The following METTL15 variants were observed in gnomAD, a reference collection of about 807,000 sequenced individuals.
METTL15 encodes the protein methyltransferase 15, mitochondrial 12S rRNA N4-cytidine.
Under a neutral mutation model 38.3 loss-of-function variants are expected in METTL15, and 34 were observed. That is an observed-to-expected ratio of 0.89 (90% CI 0.68 to 1.18). The LOEUF is 1.18. Ranked by LOEUF, METTL15 falls within the 50% of genes most tolerant of loss-of-function variation. The pLI is 0.00. For synonymous variants in METTL15, 162 were observed against 170.9 expected (o/e 0.95, Z 0.41); for missense variants, 438 against 498.4 (o/e 0.88, Z 1.15).
intron 6 of METTL15, among the ~76,000 whole-genome samples, chr11:28,429,385 CT>C: frequency 7.9e-6 from 1 of 126,462 alleles, no homozygotes; most frequent in East Asian, 2.6e-4. Context: ...CCCTCTCCCT[CT>C]CCCTCTCCCC....
At position 28,452,386 on chromosome 11, in the gene METTL15, A is replaced by G. The variant is rs1309834039; in HGVS notation, c.*424+28022A>G. ...CCCATTCCTTCATTCTGTAAAATCA[A>G]TTGCTTTTCGGTGATATTTAATGAC... On this transcript the variant is annotated intron_variant and NMD_transcript_variant, in intron 6 of 7. Coordinates refer to the METTL15 transcript ENST00000532947. Among the ~76,000 whole-genome samples, 7 of 152,296 alleles carry G rather than the reference A, an allele frequency of 4.6e-5. No homozygotes were observed. In the South Asian group the frequency reaches 6.2e-4, roughly 14 times the overall value.
intron 3 of METTL15, among the ~76,000 whole-genome samples, chr11:28,124,602 G>A (rs1387083924): frequency 6.6e-6 from 1 of 152,114 alleles, no homozygotes; most frequent in African/African-American, 2.4e-5. Flanking sequence ...AGAAACTGTG[G>A]TGTTGAGGGA....
At chr11:28,380,328 C>T (rs533154045) in intron 5 of METTL15, among the ~76,000 whole-genome samples, 56 of 152,010 alleles carry the variant, frequency 3.7e-4, no homozygotes, top group Admixed American at 1.6e-3. Flanking sequence ...CCATCACGCC[C>T]GGCTAAGTTT....
At chr11:28,292,511 A>G (rs993632939) in intron 5 of METTL15, among the ~76,000 whole-genome samples, 8 of 152,256 alleles carry the variant, frequency 5.3e-5, no homozygotes, top group South Asian at 4.1e-4. Context: ...TAGTGCCTCA[A>G]TAAACATACG....
chr11:28,470,923 C>A (rs1851298353), intron 6 of METTL15, among the ~76,000 whole-genome samples: 1 of 152,082 alleles, frequency 6.6e-6, no homozygotes, highest in South Asian at 2.1e-4. Context: ...TTGGTTTAAC[C>A]ACAATCCCCC....
At chr11:28,110,800 T>G (rs949221242) in intron 2 of METTL15, among the ~76,000 whole-genome samples, 7 of 152,218 alleles carry the variant, frequency 4.6e-5, no homozygotes, top group African/African-American at 1.4e-4. Flanking sequence ...CTGTGTGTTT[T>G]CACAATTAAA....
intron 6 of METTL15, among the ~76,000 whole-genome samples, chr11:28,505,146 G>T (rs902333877): frequency 6.6e-6 from 1 of 152,172 alleles, no homozygotes; most frequent in Non-Finnish European, 1.5e-5. Flanking sequence ...AATTTTTGAA[G>T]GAACTGGGAA....
At chr11:28,301,788 C>CTA (rs1194965424) in intron 6 of METTL15, among the ~76,000 whole-genome samples, 1 of 152,108 alleles carries the variant, frequency 6.6e-6, no homozygotes, top group African/African-American at 2.4e-5. Flanking sequence ...TTGTTCTAGA[C>CTA]TATAAACATC....
intron 4 of METTL15, among the ~76,000 whole-genome samples, chr11:28,222,006 C>T (rs78039289): frequency 7.2e-5 from 11 of 152,238 alleles, no homozygotes; most frequent in African/African-American, 2.6e-4. Context: ...GGTCAGGGAC[C>T]CACTTGAGGA....
intron 4 of METTL15, among the ~76,000 whole-genome samples, chr11:28,217,970 T>C (rs985849425): frequency 2.0e-5 from 3 of 152,172 alleles, no homozygotes; most frequent in African/African-American, 7.2e-5. Flanking sequence ...AGCCTTGTAG[T>C]GTAGTTTGAA....
At chr11:28,439,607 G>A (rs1851016603) in intron 6 of METTL15, among the ~76,000 whole-genome samples, 1 of 152,184 alleles carries the variant, frequency 6.6e-6, no homozygotes, top group South Asian at 2.1e-4. Context: ...CCAATGCGGG[G>A]TGGAGGAGAA....
rs199900419 is a variant in METTL15 at position 28,195,487 on chromosome 11, ATGTT to A, written c.271-15572_271-15569del. 9.0e-3 allele frequency among the ~76,000 whole-genome samples: 1,367 copies of A among 151,744 alleles called. 70 individuals are homozygous for A. The highest frequency in any genetic ancestry group is 0.083 in the Admixed American group (1,256 of 15,208). On this transcript the variant is annotated intron_variant, in intron 3 of 6. Coordinates refer to ENST00000407364, the MANE Select transcript of METTL15 (RefSeq NM_001113528.2). ...TTAGTGATGTTGAGCATTTTTTTCT[ATGTT>A]TGGCCATTTGTATATCATCTTTTGA... is the stretch of plus-strand genomic sequence containing the variant.
At chr11:28,401,072 T>C (rs567387958) in intron 5 of METTL15, among the ~76,000 whole-genome samples, 2 of 152,168 alleles carry the variant, frequency 1.3e-5, no homozygotes, top group Non-Finnish European at 2.9e-5. Context: ...GAGTTGTATT[T>C]GGCGTAATTC....
chr11:28,137,218 TAATC>T (rs1291196382), intron 3 of METTL15, among the ~76,000 whole-genome samples: 4 of 152,240 alleles, frequency 2.6e-5, no homozygotes, highest in Non-Finnish European at 5.9e-5. Context: ...TTTTTGAAGT[TAATC>T]AATATGTTCT....
chr11:28,204,204 A>C (rs547789295), intron 3 of METTL15, among the ~76,000 whole-genome samples: 132 of 152,046 alleles, frequency 8.7e-4, no homozygotes, highest in Non-Finnish European at 1.7e-3. Context: ...TTTTCCTCAA[A>C]TGCTGGTTTG....
intron 6 of METTL15, among the ~76,000 whole-genome samples, chr11:28,464,178 A>G (rs1307500860): frequency 6.6e-6 from 1 of 152,170 alleles, no homozygotes; most frequent in Non-Finnish European, 1.5e-5. Flanking sequence ...TAACACTATC[A>G]TCATGTGTTT....
At chr11:28,347,563 A>G (rs1850006395) in intron 3 of METTL15, among the ~76,000 whole-genome samples, 1 of 152,122 alleles carries the variant, frequency 6.6e-6, no homozygotes, top group African/African-American at 2.4e-5. Context: ...CATCAACGCT[A>G]ATGTCTTTTC....
intron 5 of METTL15, among the ~76,000 whole-genome samples, chr11:28,293,092 G>C (rs999429324): frequency 6.6e-6 from 1 of 152,080 alleles, no homozygotes; most frequent in Non-Finnish European, 1.5e-5. Context: ...GGCTTTTGTT[G>C]CCATTGCTTT....
chr11:28,519,764 G>A (rs1851749129), intron 6 of METTL15, among the ~76,000 whole-genome samples: 1 of 151,692 alleles, frequency 6.6e-6, no homozygotes, highest in African/African-American at 2.4e-5. Context: ...TTGCAGAAAG[G>A]CTAAAAAAAA....
Sources: gnomAD v4.1 joint callset for allele counts (sites outside exome capture counted in the v4.1 genomes callset) on GRCh38, gnomAD v4.1.1 for gene constraint, MANE v1.5 for transcripts, NCBI Gene and HGNC (gene_info 2026-07-23, HGNC 2026-07-21) for gene names.